TNFRSF11A: variants seen among roughly 807,000 people sequenced by gnomAD.
TNFRSF11A encodes tumor necrosis factor receptor superfamily member 11A.
Under a neutral mutation model 55.7 loss-of-function variants are expected in TNFRSF11A, and 32 were observed. The ratio of observed to expected loss-of-function variants is 0.57; its 90% CI spans 0.43 to 0.77. The LOEUF is 0.77. Among genes scored for constraint, TNFRSF11A ranks in the 30% least tolerant of loss-of-function variants. The probability of loss-of-function intolerance (pLI) is 0.00; values close to 1 mark genes in which losing one functional copy is unlikely to be tolerated. For missense variants in TNFRSF11A, 753 were observed against 809.8 expected, an observed-to-expected ratio of 0.93 and a Z score of 0.85; for synonymous variants, 311 against 331.0, an observed-to-expected ratio of 0.94 and a Z score of 0.65.
At chr18:62,374,103 T>A (rs1216979371) in intron 9 of TNFRSF11A, 1 of 152,234 alleles carries the variant, frequency 6.6e-6, no homozygotes, top group African/African-American at 2.4e-5. Context: ...TTAATATAGA[T>A]ATTTCATAAT....
Position 62,364,721 on chromosome 18 carries a change from T to C in TNFRSF11A, c.731-1987T>C, listed in dbSNP as rs79884073. 9.1e-3 allele frequency among the ~76,000 whole-genome samples: 1,387 copies of C among 152,264 alleles called. 21 individuals carry two copies. Among genetic ancestry groups the C allele is most frequent in the African/African-American group, 0.032 (1,314 of 41,544 alleles). On this transcript the variant is annotated intron_variant, in intron 7 of 9. Transcript: ENST00000586569. ...GCAAGAATAATGATGATAATAGCAA[T>C]AGCTGACACATATTAAATATTTAAT...
chr18:62,326,225 C>G (rs1193638616), intron 1 of TNFRSF11A, among the ~76,000 whole-genome samples: 1 of 152,212 alleles, frequency 6.6e-6, no homozygotes, highest in Non-Finnish European at 1.5e-5. Context: ...TCGGCTGGGT[C>G]AGATTTCCCC....
At chr18:62,334,416 G>C (rs948930371) in intron 1 of TNFRSF11A, among the ~76,000 whole-genome samples, 1 of 152,128 alleles carries the variant, frequency 6.6e-6, no homozygotes, top group African/African-American at 2.4e-5. Context: ...CCGCCTCAGA[G>C]GGTCGCATCT....
chr18:62,337,766 T>C (rs1475702348), intron 1 of TNFRSF11A, among the ~76,000 whole-genome samples: 1 of 152,218 alleles, frequency 6.6e-6, no homozygotes. Flanking sequence ...ATAGTTGTTC[T>C]TCTCCCCTGG....
chr18:62,349,953 C>A lies in TNFRSF11A; in HGVS notation c.283+16C>A. The A allele has an allele frequency of 1.2e-6, 2 of 1,613,516 alleles. No individual in the cohort carries two copies. The highest frequency in any genetic ancestry group is 2.2e-5 in the South Asian group (2 of 91,014). ...TGTGATACAGGTGAGCCCGTCCTGT[C>A]AGTGTGTCAGTGGGAAGTGTAGAAA... is the stretch of plus-strand genomic sequence containing the variant. On this transcript the variant is annotated intron_variant, in intron 3 of 9. Coordinates refer to ENST00000586569, the MANE Select transcript of TNFRSF11A (RefSeq NM_003839.4).
intron 8 of TNFRSF11A, 112 bp downstream of exon 8, chr18:62,366,872 G>A (rs562917958): frequency 2.1e-5 from 24 of 1,122,010 alleles, no homozygotes; most frequent in East Asian, 1.9e-4. Context: ...TTTTTGAGAC[G>A]GAGTCTCGCT....
intron 4 of TNFRSF11A, among the ~76,000 whole-genome samples, chr18:62,355,248 A>T (rs913442994): frequency 4.6e-5 from 7 of 152,128 alleles, no homozygotes; most frequent in Non-Finnish European, 8.8e-5. Context: ...ATATTGAAAA[A>T]TATGCACCTA....
At position 62,384,755 on chromosome 18, in the gene TNFRSF11A, T is replaced by C; in HGVS notation, c.1572T>C (p.Asn524=). Residue 524 remains asparagine, a synonymous_variant, in exon 10 of 10, where the codon AAT becomes AAC. Coordinates refer to ENST00000586569, the MANE Select transcript of TNFRSF11A (RefSeq NM_003839.4). ...TCTCCCTTCCTCTCCCCGCAGGAAA[T>C]GTGACTGGAAACAGTAACTCCACGT... ...SPGGQSPASG[N]VTGNSNSTFI... 1.2e-6 allele frequency: 2 copies of C among 1,611,824 alleles called. No homozygotes were observed. The highest frequency in any genetic ancestry group is 2.2e-5 in the South Asian group (2 of 90,428).
intron 6 of TNFRSF11A, among the ~76,000 whole-genome samples, chr18:62,361,305 GAGAT>G (rs1909665170): frequency 6.6e-6 from 1 of 152,188 alleles, no homozygotes; most frequent in Admixed American, 6.5e-5. Context: ...TATTAGGAAA[GAGAT>G]AGAAGAAGCT....
intron 9 of TNFRSF11A, 61 bp downstream of exon 9, chr18:62,369,545 G>A: frequency 1.3e-6 from 2 of 1,588,866 alleles, no homozygotes; most frequent in South Asian, 1.1e-5. Flanking sequence ...TACAGGGTTT[G>A]GGGGCAGGTA....
At chr18:62,363,599 C>T (rs928770753) in intron 7 of TNFRSF11A, among the ~76,000 whole-genome samples, 1 of 151,956 alleles carries the variant, frequency 6.6e-6, no homozygotes, top group African/African-American at 2.4e-5. Flanking sequence ...GAACTCCTGA[C>T]CTCATGATCC....
chr18:62,375,784 T>C (rs1199068707), intron 9 of TNFRSF11A, among the ~76,000 whole-genome samples: 1 of 152,106 alleles, frequency 6.6e-6, no homozygotes, highest in Non-Finnish European at 1.5e-5. Flanking sequence ...GAGGATCTCT[T>C]GAACCCAGGA....
chr18:62,380,603 AT>A (rs951342543), intron 9 of TNFRSF11A, among the ~76,000 whole-genome samples: 1 of 150,578 alleles, frequency 6.6e-6, no homozygotes. Context: ...CACCCAGCTA[AT>A]TTTTTTTATT....
At chr18:62,355,605 A>G (rs1169038697) in intron 4 of TNFRSF11A, among the ~76,000 whole-genome samples, 1 of 152,200 alleles carries the variant, frequency 6.6e-6, no homozygotes, top group Non-Finnish European at 1.5e-5. Flanking sequence ...TTAAATATTT[A>G]CTTTGACTGA....
rs139786040 is a variant in TNFRSF11A at position 62,390,188 on chromosome 18, A to C, written c.*5154A>C. The C allele has an allele frequency of 6.6e-6, 1 of 152,084 alleles. No individual in the cohort carries two copies. Among genetic ancestry groups the C allele is most frequent in the Non-Finnish European group, 1.5e-5 (1 of 68,058 alleles). The allele number at this position is 152,084 out of a possible 1,614,324, so 9.4% of individuals were successfully genotyped here. ...CCAAGCTCTGCTGCCCACCTGGGAC[A>C]CCTTCCCACTCTTTGCAACTAGGTC... On this transcript the variant is annotated 3_prime_UTR_variant, in exon 10 of 10. Transcript: ENST00000586569.
chr18:62,336,573 T>C (rs1352644152), intron 1 of TNFRSF11A: 2 of 152,056 alleles, frequency 1.3e-5, no homozygotes, highest in African/African-American at 4.8e-5. Flanking sequence ...TTATCTGAAA[T>C]GAATACAAAG....
chr18:62,359,803 C>CT, intron 5 of TNFRSF11A, 152 bp from the exon 6 acceptor site: 2 of 694,738 alleles, frequency 2.9e-6, no homozygotes, highest in Non-Finnish European at 2.6e-6. Context: ...TGCTGTTCTC[C>CT]TCCCTGTGGA....
chr18:62,388,604 T>C lies in TNFRSF11A; in HGVS notation c.*3570T>C, dbSNP rs1911877334. ...GGAACATATCCCAGCCCCTAACCAG[T>C]GAGTAGCTCCTTCTCTGGTGATTGA... On this transcript the variant is annotated 3_prime_UTR_variant, in exon 10 of 10. Coordinates refer to ENST00000586569, the MANE Select transcript of TNFRSF11A (RefSeq NM_003839.4). 6.6e-6 allele frequency: 1 copy of C among 152,306 alleles called. No homozygotes were observed. Among genetic ancestry groups the C allele is most frequent in the East Asian group, 1.9e-4 (1 of 5,202 alleles). The allele number at this position is 152,306 out of a possible 1,614,324, so 9.4% of individuals were successfully genotyped here.
chr18:62,380,462 A>T (rs1911195097), intron 9 of TNFRSF11A, among the ~76,000 whole-genome samples: 2 of 131,416 alleles, frequency 1.5e-5, no homozygotes, highest in African/African-American at 3.0e-5. Context: ...TTTTTGAGAG[A>T]GTCTCACTCT....
Sources: gnomAD v4.1 joint callset for allele counts (sites outside exome capture counted in the v4.1 genomes callset) on GRCh38, gnomAD v4.1.1 for gene constraint, MANE v1.5 for transcripts, NCBI Gene and HGNC (gene_info 2026-07-23, HGNC 2026-07-21) for gene names.